The following ADGRL3 variants were observed in gnomAD, a reference collection of about 807,000 sequenced individuals.
The protein encoded by ADGRL3 is adhesion G protein-coupled receptor L3.
In ADGRL3, 62 loss-of-function variants were observed where a neutral mutation model predicts 153.5. The observed-to-expected ratio is 0.40, with a 90% confidence interval of 0.33 to 0.50. The LOEUF (loss-of-function observed/expected upper bound fraction) is 0.50, where lower values mean the gene tolerates loss of function less well. Ranked by LOEUF, ADGRL3 falls within the 20% of genes least tolerant of loss-of-function variation. The pLI, the probability that ADGRL3 is intolerant of heterozygous loss-of-function variation, is 0.47. For missense variants in ADGRL3, 1,641 were observed against 1,859.4 expected (o/e 0.88, Z 2.16); for synonymous variants, 710 against 672.5 (o/e 1.06, Z -0.86).
Position 61,509,843 on chromosome 4 carries a change from C to T in ADGRL3, c.56-7472C>T, listed in dbSNP as rs547592598. ...TTTTAGTTCTTTGAGAAATCTCCAA[C>T]CTGCTTTCCACAGCAGCTGAACTGA... On this transcript the variant is annotated intron_variant, in intron 3 of 26. Transcript: ENST00000683033. 3.9e-5 allele frequency among the ~76,000 whole-genome samples: 6 copies of T among 152,278 alleles called. No individual in the cohort carries two copies. The South Asian group carries it at 1.2e-3, about 32-fold the overall frequency.
chr4:61,387,746 T>TG (rs369891096), intron 2 of ADGRL3, among the ~76,000 whole-genome samples: 15 of 152,220 alleles, frequency 9.9e-5, no homozygotes, highest in African/African-American at 3.6e-4. Context: ...TAAACACACA[T>TG]GCTGTACAAT....
Position 61,564,420 on chromosome 4 carries a change from G to A in ADGRL3, c.260-22807G>A, listed in dbSNP as rs1180567024. Among the ~76,000 whole-genome samples the A allele has an allele frequency of 2.0e-5, 3 of 152,168 alleles. No individual in the cohort carries two copies. In the East Asian group the frequency reaches 5.8e-4, roughly 30 times the overall value. On this transcript the variant is annotated intron_variant, in intron 4 of 26. Coordinates refer to ENST00000683033, the MANE Select transcript of ADGRL3 (RefSeq NM_001387552.1). ...CTCCTTAGTAGCTGGGACTACAGGT[G>A]CACACCACAATGCCTGGCTGATTTC... is the stretch of plus-strand genomic sequence containing the variant.
At chr4:61,837,602 T>C (rs1001374065) in intron 9 of ADGRL3, among the ~76,000 whole-genome samples, 1 of 152,068 alleles carries the variant, frequency 6.6e-6, no homozygotes, top group African/African-American at 2.4e-5. Flanking sequence ...TTCTACCCAC[T>C]AGGAGTAGTC....
chr4:61,486,979 A>G lies in ADGRL3; in HGVS notation c.-173-10142A>G, dbSNP rs185657127. 3.9e-5 allele frequency among the ~76,000 whole-genome samples: 6 copies of G among 152,332 alleles called. No individual in the cohort carries two copies. The East Asian group carries it at 1.2e-3, about 29-fold the overall frequency. ...GATAAAAATTATTCAGAGTGAAGATATTGAAGGCCTGTTTACGGCATGATT... is the reference window on the plus strand; with the variant it reads ...GATAAAAATTATTCAGAGTGAAGATGTTGAAGGCCTGTTTACGGCATGATT... On this transcript the variant is annotated intron_variant, in intron 2 of 26. Coordinates refer to ENST00000683033, the MANE Select transcript of ADGRL3 (RefSeq NM_001387552.1).
At chr4:61,626,802 A>C (rs2092857659) in intron 5 of ADGRL3, among the ~76,000 whole-genome samples, 2 of 152,078 alleles carry the variant, frequency 1.3e-5, no homozygotes, top group Non-Finnish European at 2.9e-5. Context: ...AATATTATCA[A>C]ATTTTAACAT....
chr4:62,023,408 T>C (rs998952284), intron 21 of ADGRL3, among the ~76,000 whole-genome samples: 2 of 152,180 alleles, frequency 1.3e-5, no homozygotes, highest in African/African-American at 4.8e-5. Context: ...GGATTTAGAA[T>C]ATTACATATT....
In ADGRL3 at chr4:61,910,015, T is replaced by G. The variant is rs6843396; in HGVS notation, c.2073+270T>G. Among the ~76,000 whole-genome samples the G allele has an allele frequency of 0.94, 142,287 of 151,998 alleles. 66,867 individuals are homozygous for G. The highest frequency in any genetic ancestry group is 1 in the East Asian group (5,171 of 5,176). On this transcript the variant is annotated intron_variant, in intron 12 of 26. Transcript: ENST00000683033. Reference sequence around the variant, plus strand: ...TCTGTTTTCCATGGCAGTTATTCTGTTATGCTAAATTCAGACAGGGTTAAT... The same window carrying G: ...TCTGTTTTCCATGGCAGTTATTCTGGTATGCTAAATTCAGACAGGGTTAAT...
chr4:61,269,729 A>C (rs1228184743), intron 1 of ADGRL3, among the ~76,000 whole-genome samples: 1 of 151,754 alleles, frequency 6.6e-6, no homozygotes, highest in African/African-American at 2.4e-5. Flanking sequence ...AATTAAACGA[A>C]GGTGCAGGTC....
chr4:61,439,436 T>C (rs948138896), intron 2 of ADGRL3, among the ~76,000 whole-genome samples: 2 of 152,176 alleles, frequency 1.3e-5, no homozygotes, highest in African/African-American at 4.8e-5. Context: ...AGAAAACAGA[T>C]GTAAATGTTG....
At chr4:61,650,504 TAA>T (rs1399719634) in intron 5 of ADGRL3, among the ~76,000 whole-genome samples, 1 of 152,144 alleles carries the variant, frequency 6.6e-6, no homozygotes, top group Non-Finnish European at 1.5e-5. Context: ...TGTGAAAACT[TAA>T]ATAGTAAATT....
chr4:61,748,656 T>A (rs1173188322), intron 8 of ADGRL3, among the ~76,000 whole-genome samples: 1 of 152,108 alleles, frequency 6.6e-6, no homozygotes, highest in Non-Finnish European at 1.5e-5. Flanking sequence ...TGGCTAGCCA[T>A]ATGTAGAAAG....
At chr4:61,276,349 A>G (rs1240455847) in intron 1 of ADGRL3, among the ~76,000 whole-genome samples, 1 of 152,138 alleles carries the variant, frequency 6.6e-6, no homozygotes, top group African/African-American at 2.4e-5. Context: ...TTTTATGTGT[A>G]ATGCTTGCAG....
chr4:61,923,224 C>G (rs904340649), intron 13 of ADGRL3, among the ~76,000 whole-genome samples: 1 of 152,150 alleles, frequency 6.6e-6, no homozygotes, highest in Non-Finnish European at 1.5e-5. Context: ...TTTTGCAAAA[C>G]GACTTTGGCT....
At chr4:61,997,347 A>T (rs28448867) in intron 20 of ADGRL3, among the ~76,000 whole-genome samples, 3,327 of 151,634 alleles carry the variant, frequency 0.022, 121 homozygotes, top group African/African-American at 0.077. Context: ...GATTTACTTC[A>T]TGTTAGGCTT....
At chr4:61,295,457 A>G (rs1443487912) in intron 1 of ADGRL3, among the ~76,000 whole-genome samples, 1 of 152,178 alleles carries the variant, frequency 6.6e-6, no homozygotes, top group African/African-American at 2.4e-5. Context: ...CTTGGAACAC[A>G]GTCCCTGTGA....
At chr4:61,513,959 G>A (rs1036051414) in intron 3 of ADGRL3, among the ~76,000 whole-genome samples, 1 of 152,116 alleles carries the variant, frequency 6.6e-6, no homozygotes, top group African/African-American at 2.4e-5. Context: ...AACTTGGAGG[G>A]TTGCCTTCAA....
chr4:61,523,549 A>G (rs1256482684), intron 4 of ADGRL3, among the ~76,000 whole-genome samples: 3 of 152,070 alleles, frequency 2.0e-5, no homozygotes, highest in Non-Finnish European at 4.4e-5. Context: ...CAGAATTCTT[A>G]TGTGCATCTA....
At chr4:61,613,456 G>C (rs767484633) in intron 5 of ADGRL3, among the ~76,000 whole-genome samples, 17 of 152,104 alleles carry the variant, frequency 1.1e-4, no homozygotes, top group Admixed American at 7.9e-4. Context: ...TCAAAAGTTA[G>C]TCCTGAGCCT....
intron 17 of ADGRL3, among the ~76,000 whole-genome samples, chr4:61,973,063 C>A (rs2150699585): frequency 6.6e-6 from 1 of 151,762 alleles, no homozygotes; most frequent in African/African-American, 2.4e-5. Flanking sequence ...GTTTGTATCC[C>A]ATCTGGAAAC....
Sources: allele counts gnomAD v4.1 joint callset (sites outside exome capture counted in the v4.1 genomes callset), GRCh38; gene constraint gnomAD v4.1.1; transcripts MANE v1.5; gene names NCBI Gene and HGNC (gene_info 2026-07-23, HGNC 2026-07-21).